SOX5: variants seen among roughly 807,000 people sequenced by gnomAD.
SOX5 encodes transcription factor SOX-5.
SOX5 carries 9 observed loss-of-function variants against 92.0 expected under a neutral mutation model. That is an observed-to-expected ratio of 0.10 (90% CI 0.06 to 0.17). The LOEUF is 0.17. Ranked by LOEUF, SOX5 falls within the 10% of genes least tolerant of loss-of-function variation. The probability of loss-of-function intolerance (pLI) is 1.00; values close to 1 mark genes in which losing one functional copy is unlikely to be tolerated. For synonymous variants in SOX5, 344 were observed against 336.3 expected (o/e 1.02, Z -0.25); for missense variants, 642 against 944.5 (o/e 0.68, Z 4.20).
chr12:24,518,264 T>C (rs920514037), intron 1 of SOX5, among the ~76,000 whole-genome samples: 3 of 151,980 alleles, frequency 2.0e-5, no homozygotes, highest in African/African-American at 7.3e-5. Context: ...AAACGGGGTT[T>C]CACCATGTTG....
chr12:23,665,381 A>T, intron 7 of SOX5, 63 bp downstream of exon 7: 5 of 1,568,240 alleles, frequency 3.2e-6, no homozygotes, highest in Non-Finnish European at 8.7e-7. Context: ...CAGGAATATT[A>T]AATTGCCTAA....
Position 24,171,220 on chromosome 12 carries a change from TGTTTG to T in SOX5, c.-2+42118_-2+42122del, listed in dbSNP as rs752647131. On this transcript the variant is annotated intron_variant, in intron 4 of 4. Transcript: ENST00000446891. ...TCATTGGCCAACAGTTTTTTTTGTT[TGTTTG>T]TTTGTTTTTTTTTTTGGAGACAGAG... Among the ~76,000 whole-genome samples, 18 of 65,872 alleles carry T rather than the reference TGTTTG, an allele frequency of 2.7e-4. 2 individuals are homozygous for T. The highest frequency in any genetic ancestry group is 7.6e-3 in the Middle Eastern group (1 of 132). 43.2% of individuals were successfully genotyped at this position (65,872 alleles called of 152,430 possible). A position where few individuals can be genotyped will look rare whatever the true frequency, so the allele number is the denominator to read the frequency against.
intron 4 of SOX5, among the ~76,000 whole-genome samples, chr12:24,039,960 A>C (rs917796519): frequency 6.6e-6 from 1 of 152,194 alleles, no homozygotes; most frequent in Non-Finnish European, 1.5e-5. Flanking sequence ...TTTTAATCTT[A>C]TTATGGAAAC....
intron 4 of SOX5, among the ~76,000 whole-genome samples, chr12:23,964,795 G>A (rs934191419): frequency 6.6e-6 from 1 of 152,066 alleles, no homozygotes; most frequent in Non-Finnish European, 1.5e-5. Context: ...ACATATATAT[G>A]GGCATCTGAT....
chr12:23,783,295 C>T (rs535813032), intron 3 of SOX5, among the ~76,000 whole-genome samples: 1 of 151,984 alleles, frequency 6.6e-6, no homozygotes, highest in East Asian at 1.9e-4. Context: ...TGAAAGTAAG[C>T]TAAAGGAAGT....
In SOX5 at chr12:23,717,134, C is replaced by T. The variant is rs140818623; in HGVS notation, c.810+17550G>A. Among the ~76,000 whole-genome samples the T allele has an allele frequency of 1.8e-4, 28 of 152,204 alleles. No homozygotes were observed. In the East Asian group the frequency reaches 4.2e-3, roughly 23 times the overall value. ...TCATTGACTTTCTCCCACAGGATTC[C>T]GACAATTGGAGTCATGTGTAAGCAC... On this transcript the variant is annotated intron_variant, in intron 6 of 14. Transcript: ENST00000451604.
At chr12:23,778,395 A>G (rs928597283) in intron 3 of SOX5, among the ~76,000 whole-genome samples, 5 of 152,232 alleles carry the variant, frequency 3.3e-5, no homozygotes, top group Non-Finnish European at 7.3e-5. Flanking sequence ...GAGTTTCCAT[A>G]TGAATGAACG....
chr12:24,171,233 T>TG (rs1954103018), intron 4 of SOX5, among the ~76,000 whole-genome samples: 1 of 128,492 alleles, frequency 7.8e-6, no homozygotes, highest in South Asian at 2.5e-4. Flanking sequence ...TTGTTTGTTT[T>TG]TTTTTTTGGA....
intron 1 of SOX5, among the ~76,000 whole-genome samples, chr12:24,554,219 C>T (rs1004811627): frequency 2.0e-5 from 3 of 152,184 alleles, no homozygotes; most frequent in African/African-American, 4.8e-5. Flanking sequence ...TCTAGGCAGA[C>T]ATCGGATTTT....
intron 3 of SOX5, among the ~76,000 whole-genome samples, chr12:24,244,040 C>A (rs1425497739): frequency 2.1e-4 from 22 of 103,152 alleles, no homozygotes; most frequent in African/African-American, 7.8e-4. Context: ...TGAATGTAGG[C>A]ATATTGATAA....
upstream of SOX5, among the ~76,000 whole-genome samples, chr12:23,954,459 A>AAAAG (rs573961368): frequency 1.2e-3 from 176 of 151,822 alleles, 1 homozygote; most frequent in African/African-American, 3.3e-3. Context: ...CTTTCAAAAA[A>AAAAG]AAAGAAAGAA....
At chr12:23,600,823 T>G (rs138698315) in intron 9 of SOX5, among the ~76,000 whole-genome samples, 2,628 of 152,024 alleles carry the variant, frequency 0.017, 35 homozygotes, top group Non-Finnish European at 0.025. Flanking sequence ...CATTTAATAT[T>G]ATAAATAATT....
intron 7 of SOX5, among the ~76,000 whole-genome samples, chr12:23,650,645 G>A (rs2081438704): frequency 6.6e-6 from 1 of 152,072 alleles, no homozygotes; most frequent in Non-Finnish European, 1.5e-5. Flanking sequence ...CATTTATAGG[G>A]CTAATAAGAA....
Position 23,979,683 on chromosome 12 carries a change from CAT to C in SOX5, c.-1-83661_-1-83660del, listed in dbSNP as rs200671303. Reference sequence around the variant, plus strand: ...CGTTTCTCATTTTCTTTCTTCCTTCCATATATATATATATGTTTTTTTTGTTT... The same window carrying C: ...CGTTTCTCATTTTCTTTCTTCCTTCCATATATATATATGTTTTTTTTGTTT... On this transcript the variant is annotated intron_variant, in intron 4 of 4. Transcript: ENST00000446891. 3.2e-4 allele frequency among the ~76,000 whole-genome samples: 37 copies of C among 114,532 alleles called. 1 individual carries two copies. The highest frequency in any genetic ancestry group is 1.1e-3 in the African/African-American group (36 of 32,288). 75.1% of individuals were successfully genotyped at this position (114,532 alleles called of 152,430 possible).
At chr12:23,894,546 GA>G (rs762382464) in intron 2 of SOX5, among the ~76,000 whole-genome samples, 1 of 151,954 alleles carries the variant, frequency 6.6e-6, no homozygotes, top group African/African-American at 2.4e-5. Flanking sequence ...ATTCTTGGTG[GA>G]AAAATCTTGG....
intron 3 of SOX5, among the ~76,000 whole-genome samples, chr12:23,838,646 T>C (rs1386166365): frequency 6.6e-6 from 1 of 152,054 alleles, no homozygotes; most frequent in Non-Finnish European, 1.5e-5. Flanking sequence ...TTTAATATAT[T>C]TGTAGAGAAG....
chr12:23,901,437 A>G (rs979836490), intron 1 of SOX5, among the ~76,000 whole-genome samples: 2 of 152,216 alleles, frequency 1.3e-5, no homozygotes, highest in Non-Finnish European at 2.9e-5. Flanking sequence ...AGGTAATAAT[A>G]TATCATTGAT....
intron 3 of SOX5, among the ~76,000 whole-genome samples, chr12:24,238,547 G>A (rs1338411821): frequency 6.6e-6 from 1 of 152,050 alleles, no homozygotes; most frequent in African/African-American, 2.4e-5. Context: ...TTTAGAGATG[G>A]GGTTTTGCCA....
chr12:23,667,157 C>T (rs983121810), intron 6 of SOX5, among the ~76,000 whole-genome samples: 4 of 151,772 alleles, frequency 2.6e-5, no homozygotes, highest in African/African-American at 9.7e-5. Flanking sequence ...GAGAGAAAAG[C>T]AATATGTGAA....
Sources: allele counts gnomAD v4.1 joint callset (sites outside exome capture counted in the v4.1 genomes callset), GRCh38; gene constraint gnomAD v4.1.1; transcripts MANE v1.5; gene names NCBI Gene and HGNC (gene_info 2026-07-23, HGNC 2026-07-21).